Variants in ERC2 observed in about 807,000 individuals in gnomAD.
The protein encoded by ERC2 is ERC protein 2.
In ERC2, 42 loss-of-function variants were observed where a neutral mutation model predicts 114.8. That is an observed-to-expected ratio of 0.37 (90% confidence interval 0.29 to 0.47). ERC2 has a LOEUF of 0.47. ERC2 is among the 20% of genes least tolerant of loss of function. The probability of loss-of-function intolerance (pLI) is 0.99; values close to 1 mark genes in which losing one functional copy is unlikely to be tolerated. For synonymous variants in ERC2, 454 were observed against 425.5 expected (o/e 1.07, Z -0.82); for missense variants, 939 against 1,150.7 (o/e 0.82, Z 2.66).
At chr3:55,575,147 T>C (rs948850720) in intron 17 of ERC2, among the ~76,000 whole-genome samples, 1 of 152,222 alleles carries the variant, frequency 6.6e-6, no homozygotes, top group Admixed American at 6.5e-5. Context: ...CCCGAGTAGC[T>C]GGGATTACAG....
chr3:55,872,055 C>A (rs1244414915), intron 14 of ERC2, among the ~76,000 whole-genome samples: 2 of 152,102 alleles, frequency 1.3e-5, no homozygotes, highest in Non-Finnish European at 2.9e-5. Context: ...AGAAAGGAAA[C>A]AGACTGGCAA....
At position 55,992,264 on chromosome 3, in the gene ERC2, T is replaced by A. The variant is rs1367619818; in HGVS notation, c.2062-14A>T. ...AATATTATGTGCCTTCAACATTACA[T>A]TTTTAAAGAATGTAGTTAAGACAAC... On this transcript the variant is annotated splice_polypyrimidine_tract_variant and intron_variant, in intron 10 of 17. Transcript: ENST00000288221. 2.2e-5 allele frequency: 35 copies of A among 1,605,620 alleles called. No individual in the cohort carries two copies. Among genetic ancestry groups the A allele is most frequent in the Non-Finnish European group, 3.0e-5 (35 of 1,175,012 alleles).
intron 2 of ERC2, among the ~76,000 whole-genome samples, chr3:56,324,587 A>C (rs1459762654): frequency 6.6e-6 from 1 of 152,152 alleles, no homozygotes; most frequent in Non-Finnish European, 1.5e-5. Context: ...GTAAGGGTCT[A>C]ACGGGCCTTC....
rs1283238300 is a variant in ERC2, at chr3:55,833,918, T to C, written c.2564+54471A>G. ...CAAAATAAAAGGATGGAGGAAGATC[T>C]ACCAAGCAAATGGAAAACAAAAAAA... On this transcript the variant is annotated intron_variant, in intron 14 of 17. Coordinates refer to ENST00000288221, the MANE Select transcript of ERC2 (RefSeq NM_015576.3). Among the ~76,000 whole-genome samples, 31 of 151,912 alleles carry C rather than the reference T, an allele frequency of 2.0e-4. 1 individual carries two copies. Among genetic ancestry groups the C allele is most frequent in the Admixed American group, 2.0e-3 (31 of 15,256 alleles).
chr3:56,200,928 T>C (rs2048371314), intron 3 of ERC2, among the ~76,000 whole-genome samples: 1 of 152,200 alleles, frequency 6.6e-6, no homozygotes, highest in African/African-American at 2.4e-5. Context: ...TACCAGCACA[T>C]CATGGGAAGC....
At chr3:56,113,785 C>T (rs1210352646) in intron 6 of ERC2, among the ~76,000 whole-genome samples, 1 of 152,148 alleles carries the variant, frequency 6.6e-6, no homozygotes, top group African/African-American at 2.4e-5. Flanking sequence ...CCCCAGGTTA[C>T]CTACACTTCC....
At chr3:55,655,283 T>A (rs1403329383) in intron 17 of ERC2, among the ~76,000 whole-genome samples, 1 of 152,130 alleles carries the variant, frequency 6.6e-6, no homozygotes, top group Non-Finnish European at 1.5e-5. Flanking sequence ...CAAGGACAGC[T>A]TGTACTACAT....
chr3:56,134,798 C>G (rs2080399109), intron 6 of ERC2, among the ~76,000 whole-genome samples: 3 of 152,176 alleles, frequency 2.0e-5, no homozygotes, highest in Admixed American at 2.0e-4. Flanking sequence ...TTATGTACCA[C>G]TGTCATATAA....
chr3:55,698,652 A>G (rs1326957844), intron 16 of ERC2, among the ~76,000 whole-genome samples: 1 of 152,204 alleles, frequency 6.6e-6, no homozygotes, highest in Admixed American at 6.5e-5. Flanking sequence ...GAATCTTAGT[A>G]CAACAAAGTA....
At chr3:56,309,400 G>T (rs776727121) in intron 2 of ERC2, among the ~76,000 whole-genome samples, 1 of 152,184 alleles carries the variant, frequency 6.6e-6, no homozygotes, top group Non-Finnish European at 1.5e-5. Context: ...ACACAAAGAG[G>T]AGTTCTGGTT....
intron 14 of ERC2, among the ~76,000 whole-genome samples, chr3:55,810,465 C>CTTTTTTTTTTTTTTTTTTTTTTTTTTTT (rs11318195): frequency 6.8e-6 from 1 of 146,424 alleles, no homozygotes. Flanking sequence ...CTCTCTCCCT[C>CTTTTTTTTTTTTTTTTTTTTTTTTTTTT]TTTTTTTTTT....
At chr3:55,939,380 T>A (rs2066640410) in intron 13 of ERC2, among the ~76,000 whole-genome samples, 1 of 152,232 alleles carries the variant, frequency 6.6e-6, no homozygotes, top group East Asian at 1.9e-4. Context: ...TGTTAATAAA[T>A]GCCCTAGTGG....
At chr3:56,424,799 C>A (rs1277348098) in intron 2 of ERC2, among the ~76,000 whole-genome samples, 1 of 152,158 alleles carries the variant, frequency 6.6e-6, no homozygotes, top group Non-Finnish European at 1.5e-5. Flanking sequence ...AAGATGGACT[C>A]ATTTTTTTGT....
intron 2 of ERC2, among the ~76,000 whole-genome samples, chr3:56,375,798 A>G (rs185851344): frequency 4.6e-4 from 70 of 152,298 alleles, no homozygotes; most frequent in Non-Finnish European, 7.9e-4. Context: ...TTGAACAGAA[A>G]GTAGGAAGTT....
intron 17 of ERC2, among the ~76,000 whole-genome samples, chr3:55,675,298 G>C (rs1047807419): frequency 1.3e-5 from 2 of 152,206 alleles, no homozygotes; most frequent in Non-Finnish European, 2.9e-5. Context: ...GTTGCAGTAA[G>C]AGTTTCATAA....
chr3:56,026,635 A>C (rs990429824), intron 7 of ERC2, among the ~76,000 whole-genome samples: 7 of 152,142 alleles, frequency 4.6e-5, no homozygotes, highest in Admixed American at 3.9e-4. Context: ...ATTTTGAGAT[A>C]ATTGAAATTT....
At chr3:55,732,327 C>T (rs558379092) in intron 15 of ERC2, among the ~76,000 whole-genome samples, 8 of 152,286 alleles carry the variant, frequency 5.3e-5, no homozygotes, top group South Asian at 2.1e-4. Flanking sequence ...TTTTCCTGCT[C>T]TTTGGTGGGT....
intron 13 of ERC2, among the ~76,000 whole-genome samples, chr3:55,931,460 G>C (rs1253212957): frequency 6.6e-6 from 1 of 152,150 alleles, no homozygotes; most frequent in African/African-American, 2.4e-5. Flanking sequence ...CAGGGACATG[G>C]ATGAAGCTGG....
In ERC2 at chr3:56,042,676, G is replaced by A. The variant is rs115678584; in HGVS notation, c.1642-23645C>T. ...TAAAGGTCTAGAATGCTCTTTTATC[G>A]TCAGCAGTCTGACTTCAATGAATAA... On this transcript the variant is annotated intron_variant, in intron 7 of 17. Coordinates refer to ENST00000288221, the MANE Select transcript of ERC2 (RefSeq NM_015576.3). Among the ~76,000 whole-genome samples the A allele has an allele frequency of 4.3e-3, 657 of 151,960 alleles. 6 individuals are homozygous for A. The highest frequency in any genetic ancestry group is 0.015 in the African/African-American group (622 of 41,440).
Sources: allele counts gnomAD v4.1 joint callset (sites outside exome capture counted in the v4.1 genomes callset), GRCh38; gene constraint gnomAD v4.1.1; transcripts MANE v1.5; gene names NCBI Gene and HGNC (gene_info 2026-07-23, HGNC 2026-07-21).